NPIPB9: variants seen among roughly 807,000 people sequenced by gnomAD.
NPIPB9 encodes nuclear pore complex interacting protein family member B9, also known as nuclear pore complex-interacting protein family member B9.
NPIPB9 carries 1 observed loss-of-function variant against 5.6 expected under a neutral mutation model. The ratio of observed to expected loss-of-function variants is 0.18; its 90% CI spans 0.06 to 0.84. The LOEUF (loss-of-function observed/expected upper bound fraction) is 0.84, where lower values mean the gene tolerates loss of function less well. Among genes scored for constraint, NPIPB9 ranks in the 40% least tolerant of loss-of-function variants. The pLI, the probability that NPIPB9 is intolerant of heterozygous loss-of-function variation, is 0.70. For missense variants in NPIPB9, 3 were observed against 39.1 expected, an observed-to-expected ratio of 0.08 and a Z score of 2.46; for synonymous variants, 2 against 12.5, an observed-to-expected ratio of 0.16 and a Z score of 1.77.
At chr16:28,765,749 G>A (rs2049164303) in intron 3 of NPIPB9, among the ~76,000 whole-genome samples, 1 of 98,882 alleles carries the variant, frequency 1.0e-5, no homozygotes. Context: ...GTGTGTGTGT[G>A]TGTGTGTGTG....
chr16:28,765,793 C>T (rs1399369079), intron 3 of NPIPB9, among the ~76,000 whole-genome samples: 3 of 109,056 alleles, frequency 2.8e-5, no homozygotes, highest in African/African-American at 6.8e-5. Context: ...CTCATTCTGT[C>T]GCTCAGGCTG....
rs1179314816 is a variant in NPIPB9 at position 28,767,194 on chromosome 16, A to ATT, written c.590+723_590+724dup. Among the ~76,000 whole-genome samples, 131 of 44,206 alleles carry ATT rather than the reference A, an allele frequency of 3.0e-3. 1 individual carries two copies. Among genetic ancestry groups the ATT allele is most frequent in the Non-Finnish European group, 3.6e-3 (84 of 23,246 alleles). 29.0% of individuals were successfully genotyped at this position (44,206 alleles called of 152,430 possible). A position where few individuals can be genotyped will look rare whatever the true frequency, so the allele number is the denominator to read the frequency against. ...AGGTGTGTGCCACCACATTCGGCCA[A>ATT]TTTTTTTTTTTTTTTTTTTGAGACA... On this transcript the variant is annotated intron_variant, in intron 5 of 7. Transcript: ENST00000550983.
At chr16:28,753,593 T>C (rs2048712143) in intron 1 of NPIPB9, among the ~76,000 whole-genome samples, 1 of 51,226 alleles carries the variant, frequency 2.0e-5, no homozygotes, top group East Asian at 6.3e-4. Context: ...GAGACAGAGT[T>C]TCACTCTGTC....
intron 3 of NPIPB9, among the ~76,000 whole-genome samples, chr16:28,765,105 T>C: frequency 1.7e-5 from 1 of 58,146 alleles, no homozygotes. Flanking sequence ...CATGTCATTT[T>C]TTTTTTTTTT....
chr16:28,753,484 T>C (rs1349634827), intron 1 of NPIPB9, among the ~76,000 whole-genome samples: 1 of 69,890 alleles, frequency 1.4e-5, no homozygotes, highest in Non-Finnish European at 3.0e-5. Context: ...AAAATGATCT[T>C]TTATTTTTGA....
At chr16:28,767,177 G>T (rs2049255550) in intron 5 of NPIPB9, among the ~76,000 whole-genome samples, 2 of 63,038 alleles carry the variant, frequency 3.2e-5, no homozygotes, top group South Asian at 1.2e-3. Context: ...ACAGGTGTGT[G>T]CCACCACATT....
chr16:28,752,625 C>T (rs1242114465), intron 1 of NPIPB9, 33 bp downstream of exon 1: 1 of 1,288,452 alleles, frequency 7.8e-7, no homozygotes, highest in Admixed American at 2.3e-5. Flanking sequence ...GGCCTGGTGC[C>T]CTTGAGCAGT....
In NPIPB9 at chr16:28,767,033, T is replaced by TG. The variant is rs2151824892; in HGVS notation, c.590+544_590+545insG. Among the ~76,000 whole-genome samples, 2 of 62,060 alleles carry TG rather than the reference T, an allele frequency of 3.2e-5. 1 individual carries two copies. The highest frequency in any genetic ancestry group is 1.6e-3 in the South Asian group (2 of 1,232). 40.7% of individuals were successfully genotyped at this position (62,060 alleles called of 152,430 possible). On this transcript the variant is annotated intron_variant, in intron 5 of 7. Transcript: ENST00000550983. The stretch of plus-strand genomic sequence containing the variant: ...GAGCCACCACACCCAGGCTTTTTTT[T>TG]TTTTTTTTTAATTTTGAGATAGAAT...
At chr16:28,769,396 GAA>G (rs1166582996) in intron 5 of NPIPB9, 1 of 107,886 alleles carries the variant, frequency 9.3e-6, no homozygotes, top group Non-Finnish European at 1.5e-5. Context: ...TCAGATGCCA[GAA>G]GGGCAGAGGG....
chr16:28,759,560 TC>T (rs2049009060), intron 2 of NPIPB9, among the ~76,000 whole-genome samples: 1 of 9,912 alleles, frequency 1.0e-4, no homozygotes, highest in Non-Finnish European at 1.9e-4. Context: ...AGACAGTTTC[TC>T]CCTTGTTGCC....
intron 3 of NPIPB9, among the ~76,000 whole-genome samples, chr16:28,765,101 A>AT (rs1160508157): frequency 1.7e-3 from 70 of 40,196 alleles, no homozygotes; most frequent in East Asian, 0.017. Flanking sequence ...TATTCATGTC[A>AT]TTTTTTTTTT....
chr16:28,756,211 T>TC (rs1555493863), intron 1 of NPIPB9, among the ~76,000 whole-genome samples: 1 of 112,780 alleles, frequency 8.9e-6, no homozygotes, highest in Non-Finnish European at 2.1e-5. Flanking sequence ...TTTTTTTTTT[T>TC]CTTTTTGAGA....
At chr16:28,758,545 TCCC>T (rs1200783527) in intron 2 of NPIPB9, 3 of 7,884 alleles carry the variant, frequency 3.8e-4, no homozygotes, top group Admixed American at 1.7e-3. Context: ...CCCCTTCCCC[TCCC>T]CCTCCCCTTC....
chr16:28,767,417 G>A lies in NPIPB9; in HGVS notation c.590+928G>A, dbSNP rs1263860810. ...TAGTAGAGTAGTTCTAGACCATATT[G>A]GCCAAGCTGGTCTAGAACTCTGGAC... On this transcript the variant is annotated intron_variant, in intron 5 of 7. Coordinates refer to ENST00000550983, the Ensembl canonical transcript of NPIPB9. 4.1e-4 allele frequency among the ~76,000 whole-genome samples: 18 copies of A among 43,692 alleles called. 1 individual carries two copies. The highest frequency in any genetic ancestry group is 1.6e-3 in the African/African-American group (18 of 11,052). 28.7% of individuals were successfully genotyped at this position (43,692 alleles called of 152,430 possible).
intron 3 of NPIPB9, among the ~76,000 whole-genome samples, chr16:28,765,101 A>ATT (rs1160508157): frequency 1.7e-4 from 7 of 40,192 alleles, no homozygotes; most frequent in East Asian, 7.3e-4. Context: ...TATTCATGTC[A>ATT]TTTTTTTTTT....
chr16:28,769,585 C>G (rs952274680), intron 5 of NPIPB9: 1 of 345,010 alleles, frequency 2.9e-6, no homozygotes, highest in African/African-American at 2.4e-5. Flanking sequence ...AGAAACTGAA[C>G]CCCACCCTCC....
At chr16:28,765,720 CTTGT>C (rs944931270) in intron 3 of NPIPB9, among the ~76,000 whole-genome samples, 6 of 35,482 alleles carry the variant, frequency 1.7e-4, no homozygotes, top group East Asian at 2.2e-3. Flanking sequence ...TCATGTCATT[CTTGT>C]GTGTGTGTGT....
At chr16:28,765,721 T>TTGTGTGTGTG (rs761146509) in intron 3 of NPIPB9, among the ~76,000 whole-genome samples, 4 of 38,010 alleles carry the variant, frequency 1.1e-4, no homozygotes, top group Non-Finnish European at 1.9e-4. Flanking sequence ...CATGTCATTC[T>TTGTGTGTGTG]TGTGTGTGTG....
intron 3 of NPIPB9, among the ~76,000 whole-genome samples, 182 bp from the exon 3 acceptor site, chr16:28,765,900 C>A (rs1249500762): frequency 9.2e-6 from 1 of 108,360 alleles, no homozygotes; most frequent in East Asian, 2.3e-4. Context: ...ATTACAGGCG[C>A]CCGCTGCCAT....
Sources: gnomAD v4.1 joint callset for allele counts (sites outside exome capture counted in the v4.1 genomes callset) on GRCh38, gnomAD v4.1.1 for gene constraint, MANE v1.5 for transcripts, NCBI Gene and HGNC (gene_info 2026-07-23, HGNC 2026-07-21) for gene names.